Variants in ITGA11 observed in about 807,000 individuals in gnomAD.
The protein encoded by ITGA11 is integrin subunit alpha 11.
In ITGA11, 97 loss-of-function variants were observed where a neutral mutation model predicts 141.9. The ratio of observed to expected loss-of-function variants is 0.68; its 90% CI spans 0.58 to 0.81. The LOEUF is 0.81. ITGA11 is among the 30% of genes least tolerant of loss of function. ITGA11 has a pLI of 0.00. For missense variants in ITGA11, 1,387 were observed against 1,559.2 expected (o/e 0.89, Z 1.86); for synonymous variants, 658 against 624.6 (o/e 1.05, Z -0.80).
chr15:68,396,504 T>C (rs1227071744), intron 2 of ITGA11, among the ~76,000 whole-genome samples: 13 of 152,164 alleles, frequency 8.5e-5, no homozygotes, highest in East Asian at 1.9e-4. Context: ...AATTTCACTA[T>C]CATAGCAGAA....
intron 9 of ITGA11, 28 bp downstream of exon 9, chr15:68,350,589 G>A: frequency 1.9e-6 from 3 of 1,601,712 alleles, no homozygotes; most frequent in Non-Finnish European, 1.7e-6. Context: ...AGGAGAGAGT[G>A]GATCCCCTCT....
In ITGA11 at chr15:68,307,461, T is replaced by G. The variant is rs201794225; in HGVS notation, c.3286-18A>C. The G allele has an allele frequency of 2.6e-6, 4 of 1,551,340 alleles. No individual in the cohort carries two copies. The Admixed American group carries it at 5.8e-5, about 23-fold the overall frequency. ...TACTTGAGCTGTGCAATCAGAGGGC[T>G]CGTCAGAAGCTGGCTTGGAAGCTTT... On this transcript the variant is annotated intron_variant, in intron 27 of 29. Coordinates refer to ENST00000315757, the MANE Select transcript of ITGA11 (RefSeq NM_001004439.2). The surrounding 1 kb of genome is among the most constrained non-coding windows in gnomAD (Gnocchi z 6.1).
chr15:68,329,320 T>C (rs766419857), intron 15 of ITGA11, among the ~76,000 whole-genome samples: 17 of 152,012 alleles, frequency 1.1e-4, no homozygotes, highest in Non-Finnish European at 2.4e-4. Flanking sequence ...TTGGGGAGTT[T>C]AAAAAAAATT....
intron 1 of ITGA11, among the ~76,000 whole-genome samples, chr15:68,416,575 C>A (rs1298511688): frequency 6.6e-6 from 1 of 152,146 alleles, no homozygotes; most frequent in Non-Finnish European, 1.5e-5. Flanking sequence ...ATTTTTCCTC[C>A]GAGCCCTGGA....
In ITGA11 at chr15:68,321,466, C is replaced by T. The variant is rs1360429207; in HGVS notation, c.2360G>A (p.Cys787Tyr). The T allele has an allele frequency of 6.3e-7, 1 of 1,595,760 alleles. No homozygotes were observed. The highest frequency in any genetic ancestry group is 8.5e-7 in the Non-Finnish European group (1 of 1,171,078). Residue 787 changes from cysteine (C) to tyrosine (Y), a missense_variant, in exon 19 of 30, where the codon TGT (cysteine) becomes TAT (tyrosine). Transcript: ENST00000315757. The surrounding 1 kb of genome is among the most constrained non-coding windows in gnomAD (Gnocchi z 4.9). ...FWNGCNEDEHCVPDLVLDARS... is the reference protein window; with the variant it reads ...FWNGCNEDEHYVPDLVLDARS... The stretch of plus-strand genomic sequence containing the variant: ...GGCATCCAACACAAGGTCAGGGACA[C>T]AGTGCTCATCCTCATTGCAGCCGTT...
chr15:68,313,772 GGCC>G lies in ITGA11; in HGVS notation c.2882+4_2882+6del. 6.2e-7 allele frequency: 1 copy of G among 1,612,964 alleles called. No individual in the cohort carries two copies. Among genetic ancestry groups the G allele is most frequent in the Admixed American group, 1.7e-5 (1 of 59,956 alleles). On this transcript the variant is annotated splice_donor_5th_base_variant and intron_variant, in intron 23 of 29. Transcript: ENST00000315757. ...CCCTCTCCTGGGGCCCCCGGAGCCC[GGCC>G]CACCTGGTGAAGAGGACGTCAGCCT...
At chr15:68,329,940 G>A (rs137913244) in intron 15 of ITGA11, among the ~76,000 whole-genome samples, 2 of 152,360 alleles carry the variant, frequency 1.3e-5, no homozygotes, top group East Asian at 3.9e-4. Context: ...TGACAAATGA[G>A]GGATCTGAGG....
In ITGA11 at chr15:68,418,953, G is replaced by A. The variant is rs1420157056; in HGVS notation, c.52+13062C>T. ...TTTGTGGCAGGGCTTTCCCTCAGAC[G>A]AGAGGAAGTAGGGTGAAGAGGACTC... is the stretch of plus-strand genomic sequence containing the variant. On this transcript the variant is annotated intron_variant, in intron 1 of 29. Transcript: ENST00000315757. Among the ~76,000 whole-genome samples, 10 of 152,120 alleles carry A rather than the reference G, an allele frequency of 6.6e-5. No homozygotes were observed. The South Asian group carries it at 1.9e-3, about 28-fold the overall frequency.
Position 68,302,074 on chromosome 15 carries a change from G to C in ITGA11, c.*985C>G, listed in dbSNP as rs1285687284. 3 of 67,828 alleles carry C rather than the reference G, an allele frequency of 4.4e-5. No individual in the cohort carries two copies. The highest frequency in any genetic ancestry group is 2.0e-4 in the African/African-American group (3 of 14,838). The allele number at this position is 67,828 out of a possible 1,614,324, so 4.2% of individuals were successfully genotyped here. A position where few individuals can be genotyped will look rare whatever the true frequency, so the allele number is the denominator to read the frequency against. On this transcript the variant is annotated 3_prime_UTR_variant, in exon 30 of 30. Transcript: ENST00000315757. ...GGAGGCAGTGTGTGTGTGTGTGTGT[G>C]TGTGTGTGTGTGTGTGTGTGTGTGT...
At chr15:68,397,245 T>A (rs1595890431) in intron 2 of ITGA11, among the ~76,000 whole-genome samples, 4 of 8 alleles carry the variant, frequency 0.5, 2 homozygotes, top group African/African-American at 0.67. Context: ...TGTATTATAT[T>A]ATATTTTATA....
intron 14 of ITGA11, among the ~76,000 whole-genome samples, chr15:68,331,453 C>T (rs775674894): frequency 1.3e-5 from 2 of 151,864 alleles, no homozygotes; most frequent in Non-Finnish European, 2.9e-5. Context: ...CCTCAGGGGA[C>T]GGGACCCGAG....
chr15:68,422,021 T>TA (rs2140437730), intron 1 of ITGA11, among the ~76,000 whole-genome samples: 1 of 152,294 alleles, frequency 6.6e-6, no homozygotes, highest in East Asian at 1.9e-4. Context: ...TCTTCTGTTC[T>TA]AAAAGGCTTT....
At chr15:68,369,645 T>G (rs1421209128) in intron 2 of ITGA11, among the ~76,000 whole-genome samples, 1 of 151,520 alleles carries the variant, frequency 6.6e-6, no homozygotes, top group Non-Finnish European at 1.5e-5. Context: ...GACGAGAGAG[T>G]GGTAATGGAA....
intron 5 of ITGA11, among the ~76,000 whole-genome samples, chr15:68,360,165 C>T (rs1367861714): frequency 2.0e-5 from 3 of 152,208 alleles, no homozygotes; most frequent in Non-Finnish European, 2.9e-5. Flanking sequence ...TACATTTGTC[C>T]TTTTCTGGTT....
At chr15:68,367,645 C>T (rs1307387617) in intron 3 of ITGA11, among the ~76,000 whole-genome samples, 2 of 152,150 alleles carry the variant, frequency 1.3e-5, no homozygotes. Context: ...GATTACTGTC[C>T]CCTTCCTTGG....
chr15:68,422,310 T>C (rs902499717), intron 1 of ITGA11, among the ~76,000 whole-genome samples: 3 of 152,244 alleles, frequency 2.0e-5, no homozygotes, highest in Non-Finnish European at 4.4e-5. Flanking sequence ...CAACTTCCCC[T>C]GTCAAACCTC....
intron 4 of ITGA11, chr15:68,361,930 C>G: frequency 2.1e-6 from 1 of 473,100 alleles, no homozygotes; most frequent in South Asian, 2.4e-5. Flanking sequence ...CTTGGAGTCT[C>G]TTTCATTGTT....
intron 2 of ITGA11, among the ~76,000 whole-genome samples, chr15:68,400,456 G>T (rs997001654): frequency 6.9e-6 from 1 of 144,928 alleles, no homozygotes; most frequent in African/African-American, 2.6e-5. Context: ...TTTATCAAAA[G>T]ATACCATTTA....
chr15:68,334,087 A>G (rs984797321), intron 12 of ITGA11, among the ~76,000 whole-genome samples: 2 of 152,054 alleles, frequency 1.3e-5, no homozygotes, highest in African/African-American at 4.8e-5. Context: ...CTTCAGCTCC[A>G]TACTCCTCCC....
Sources: gnomAD v4.1 joint callset for allele counts (sites outside exome capture counted in the v4.1 genomes callset) on GRCh38, gnomAD v4.1.1 for gene constraint, Gnocchi (gnomAD v3.1) non-coding constraint, MANE v1.5 for transcripts, NCBI Gene and HGNC (gene_info 2026-07-23, HGNC 2026-07-21) for gene names.